The following MECOM variants were observed in gnomAD, a reference collection of about 807,000 sequenced individuals.
The protein encoded by MECOM is histone-lysine N-methyltransferase MECOM.
A neutral mutation model predicts 116.3 loss-of-function variants in MECOM; 13 were observed. The observed-to-expected ratio is 0.11, with a 90% confidence interval of 0.07 to 0.18. The LOEUF is 0.18. Among genes scored for constraint, MECOM ranks in the 10% least tolerant of loss-of-function variants. The probability of loss-of-function intolerance (pLI) is 1.00; values close to 1 mark genes in which losing one functional copy is unlikely to be tolerated. For missense variants in MECOM, 1,299 were observed against 1,509.0 expected (o/e 0.86, Z 2.31); for synonymous variants, 528 against 535.2 (o/e 0.99, Z 0.19).
At chr3:169,135,524 A>G (rs1388116847) in intron 3 of MECOM, among the ~76,000 whole-genome samples, 2 of 151,922 alleles carry the variant, frequency 1.3e-5, no homozygotes, top group Admixed American at 6.6e-5. Context: ...TGGAAATTCC[A>G]TTTTTTTAAA....
intron 2 of MECOM, among the ~76,000 whole-genome samples, chr3:169,300,849 A>G (rs1716570677): frequency 6.6e-6 from 1 of 152,182 alleles, no homozygotes; most frequent in Admixed American, 6.5e-5. Flanking sequence ...CTGTACTTCT[A>G]TACTGGAGCC....
At chr3:169,622,849 T>C (rs1355956342) in intron 1 of MECOM, among the ~76,000 whole-genome samples, 3 of 152,184 alleles carry the variant, frequency 2.0e-5, no homozygotes, top group African/African-American at 7.2e-5. Context: ...CAGGTCATGG[T>C]TGCTAGAAGG....
intron 12 of MECOM, among the ~76,000 whole-genome samples, chr3:169,099,431 G>C (rs1051912557): frequency 6.6e-6 from 1 of 152,040 alleles, no homozygotes; most frequent in African/African-American, 2.4e-5. Context: ...TCTGAGACCT[G>C]TTATATCAAG....
intron 1 of MECOM, among the ~76,000 whole-genome samples, chr3:169,525,232 A>G (rs961555389): frequency 6.6e-6 from 1 of 152,226 alleles, no homozygotes; most frequent in Non-Finnish European, 1.5e-5. Flanking sequence ...ACTGCTCCAG[A>G]GCGGTGGCAA....
intron 2 of MECOM, among the ~76,000 whole-genome samples, chr3:169,342,761 T>G (rs940302309): frequency 5.9e-5 from 9 of 152,170 alleles, no homozygotes; most frequent in Admixed American, 5.9e-4. Flanking sequence ...TTTGCACTAC[T>G]AAAAGTCTCG....
intron 1 of MECOM, among the ~76,000 whole-genome samples, chr3:169,471,204 C>G (rs186290123): frequency 1.3e-5 from 2 of 152,244 alleles, no homozygotes; most frequent in African/African-American, 4.8e-5. Context: ...GTTGCCCATG[C>G]TGGTCTCTAA....
At chr3:169,625,246 T>C (rs1771226318) in intron 1 of MECOM, among the ~76,000 whole-genome samples, 1 of 152,108 alleles carries the variant, frequency 6.6e-6, no homozygotes, top group South Asian at 2.1e-4. Flanking sequence ...TTCTAGATTC[T>C]CTAGAAATTT....
chr3:169,283,339 CA>C (rs982863832), intron 2 of MECOM, among the ~76,000 whole-genome samples: 11 of 150,734 alleles, frequency 7.3e-5, no homozygotes, highest in Non-Finnish European at 1.2e-4. Context: ...CTCATCTCTG[CA>C]AAAAATTTAA....
chr3:169,432,347 AG>A (rs1421176441), intron 1 of MECOM, among the ~76,000 whole-genome samples: 5 of 152,094 alleles, frequency 3.3e-5, no homozygotes, highest in African/African-American at 1.2e-4. Flanking sequence ...TGGTAGAGAC[AG>A]GGTTTCACCA....
chr3:169,220,380 C>T (rs1299039850), intron 2 of MECOM, among the ~76,000 whole-genome samples: 1 of 152,074 alleles, frequency 6.6e-6, no homozygotes. Flanking sequence ...TCAGTGAGAC[C>T]TCCCTTACCT....
intron 1 of MECOM, among the ~76,000 whole-genome samples, chr3:169,513,014 C>T (rs1412717203): frequency 2.0e-5 from 3 of 152,208 alleles, no homozygotes; most frequent in Admixed American, 6.5e-5. Context: ...ATCAACTATT[C>T]TAATTTGTTA....
In MECOM at chr3:169,180,486, T is replaced by G. The variant is rs143412636; in HGVS notation, c.376-36654A>C. ...CTCAAAGATTGATTTGTAATATACC[T>G]GATAAGAAATGATTTCCTACTACTT... is the stretch of plus-strand genomic sequence containing the variant. On this transcript the variant is annotated intron_variant, in intron 2 of 16. Transcript: ENST00000651503. Among the ~76,000 whole-genome samples the G allele has an allele frequency of 4.6e-3, 699 of 152,182 alleles. 6 individuals carry two copies. Among genetic ancestry groups the G allele is most frequent in the Middle Eastern group, 0.031 (9 of 294 alleles).
At chr3:169,112,104 G>A (rs963515950) in intron 9 of MECOM, among the ~76,000 whole-genome samples, 13 of 152,004 alleles carry the variant, frequency 8.6e-5, no homozygotes, top group Non-Finnish European at 2.9e-5. Flanking sequence ...CTTTCAATAC[G>A]ATTTTCCACA....
At chr3:169,352,354 T>C (rs1286116750) in intron 2 of MECOM, among the ~76,000 whole-genome samples, 1 of 151,880 alleles carries the variant, frequency 6.6e-6, no homozygotes, top group African/African-American at 2.4e-5. Flanking sequence ...AAAAGACATA[T>C]GTGGGCTAGG....
chr3:169,562,888 C>A (rs1762816113), intron 1 of MECOM, among the ~76,000 whole-genome samples: 1 of 151,882 alleles, frequency 6.6e-6, no homozygotes, highest in African/African-American at 2.4e-5. Context: ...ATAGTGAAAC[C>A]CCATCTCTAC....
chr3:169,263,857 G>T (rs926865559), intron 2 of MECOM, among the ~76,000 whole-genome samples: 1 of 151,356 alleles, frequency 6.6e-6, no homozygotes, highest in African/African-American at 2.4e-5. Context: ...ATTACTTCTG[G>T]TTTATTTTAA....
At chr3:169,143,587 T>C in intron 3 of MECOM, 111 bp downstream of exon 3, 1 of 1,014,630 alleles carries the variant, frequency 9.9e-7, no homozygotes, top group East Asian at 2.8e-5. Context: ...TTTCACAATA[T>C]CAACAAACAG....
chr3:169,435,082 A>G lies in MECOM; in HGVS notation c.38-53558T>C, dbSNP rs571730549. Among the ~76,000 whole-genome samples the G allele has an allele frequency of 2.6e-5, 4 of 152,324 alleles. No individual in the cohort carries two copies. The South Asian group carries it at 8.3e-4, about 32-fold the overall frequency. On this transcript the variant is annotated intron_variant, in intron 1 of 16. Coordinates refer to ENST00000651503, the MANE Select transcript of MECOM (RefSeq NM_004991.4). ...AGAACCTGAAAAAGATAATTTAAAAACAACATAGTGCATTTCTATAGTTTG... is the reference window on the plus strand; with the variant it reads ...AGAACCTGAAAAAGATAATTTAAAAGCAACATAGTGCATTTCTATAGTTTG...
intron 1 of MECOM, among the ~76,000 whole-genome samples, chr3:169,431,831 C>T (rs765923174): frequency 6.6e-6 from 1 of 152,084 alleles, no homozygotes; most frequent in Non-Finnish European, 1.5e-5. Context: ...TAAGGCAACA[C>T]GAGATGGCAC....
Sources: allele counts gnomAD v4.1 joint callset (sites outside exome capture counted in the v4.1 genomes callset), GRCh38; gene constraint gnomAD v4.1.1; transcripts MANE v1.5; gene names NCBI Gene and HGNC (gene_info 2026-07-23, HGNC 2026-07-21).